Variants in CTTNBP2NL observed in about 807,000 individuals in gnomAD.
The protein encoded by CTTNBP2NL is CTTNBP2 N-terminal-like protein.
CTTNBP2NL carries 16 observed loss-of-function variants against 32.5 expected under a neutral mutation model. The observed-to-expected ratio is 0.49, with a 90% CI of 0.33 to 0.75. The LOEUF is 0.75. Among genes scored for constraint, CTTNBP2NL ranks in the 30% least tolerant of loss-of-function variants. The pLI, the probability that CTTNBP2NL is intolerant of heterozygous loss-of-function variation, is 0.02. For synonymous variants in CTTNBP2NL, 298 were observed against 289.4 expected, an observed-to-expected ratio of 1.03 and a Z score of -0.30; for missense variants, 645 against 756.0, an observed-to-expected ratio of 0.85 and a Z score of 1.72.
At chr1:112,393,378 A>G (rs1028222845), upstream of CTTNBP2NL, among the ~76,000 whole-genome samples, 2 of 152,206 alleles carry the variant, frequency 1.3e-5, no homozygotes, top group Non-Finnish European at 2.9e-5. Flanking sequence ...AATTGACACA[A>G]TCTATAATTT....
At chr1:112,425,722 G>T (rs557426294) in intron 3 of CTTNBP2NL, among the ~76,000 whole-genome samples, 3 of 151,898 alleles carry the variant, frequency 2.0e-5, no homozygotes, top group African/African-American at 7.2e-5. Context: ...AATTAGCTGG[G>T]TATGGTAGCG....
intron 4 of CTTNBP2NL, among the ~76,000 whole-genome samples, chr1:112,452,984 G>T (rs530920739): frequency 1.4e-5 from 2 of 146,686 alleles, no homozygotes; most frequent in African/African-American, 5.0e-5. Context: ...CCATAGTGGT[G>T]TATGCCTGTA....
intron 3 of CTTNBP2NL, among the ~76,000 whole-genome samples, chr1:112,424,804 GTTA>G (rs1355019079): frequency 2.0e-5 from 3 of 151,564 alleles, no homozygotes; most frequent in African/African-American, 4.9e-5. Context: ...GGGTTTTGTT[GTTA>G]TTGTTGTTTT....
Position 112,403,511 on chromosome 1 carries a change from A to G in CTTNBP2NL, c.-134+7239A>G, listed in dbSNP as rs187892335. 1.4e-3 allele frequency among the ~76,000 whole-genome samples: 218 copies of G among 152,346 alleles called. 2 individuals carry two copies. The highest frequency in any genetic ancestry group is 5.1e-3 in the African/African-American group (214 of 41,584). ...AGACAGAAGACAGATATGTAAACAG[A>G]TGAATTGATGTAATAGAATGTGATA... On this transcript the variant is annotated intron_variant, in intron 1 of 5. Transcript: ENST00000271277.
intron 3 of CTTNBP2NL, among the ~76,000 whole-genome samples, chr1:112,445,031 C>T (rs542091563): frequency 6.6e-6 from 1 of 152,330 alleles, no homozygotes; most frequent in South Asian, 2.1e-4. Context: ...GTCTCTGTCT[C>T]TTTTATGGGG....
chr1:112,391,102 G>A, the CTTNBP2NL span, among the ~76,000 whole-genome samples: 1 of 152,244 alleles, frequency 6.6e-6, no homozygotes, highest in Non-Finnish European at 1.5e-5. Flanking sequence ...CAAGCAAGAA[G>A]AGAACGTTTA....
At chr1:112,434,474 T>A (rs1450251393) in intron 3 of CTTNBP2NL, among the ~76,000 whole-genome samples, 1 of 152,160 alleles carries the variant, frequency 6.6e-6, no homozygotes, top group Non-Finnish European at 1.5e-5. Flanking sequence ...ATGTGGTTTT[T>A]CTCTCCCTCT....
At position 112,456,537 on chromosome 1, in the gene CTTNBP2NL, A is replaced by C; in HGVS notation, c.1045A>C (p.Asn349His). ...TCCTGCTTACTCATATGCAAAAACC[A>C]ATGGCCATTGTGACCCAGAGATACA... ...ATPAYSYAKTNGHCDPEIQTT... is the reference protein window; with the variant it reads ...ATPAYSYAKTHGHCDPEIQTT... Residue 349 changes from asparagine (N) to histidine (H), a missense_variant, in exon 6 of 6, where the codon AAT becomes CAT. Asn to His is a moderately conservative substitution (Grantham distance 68). Coordinates refer to ENST00000271277, the MANE Select transcript of CTTNBP2NL (RefSeq NM_018704.3). The C allele has an allele frequency of 6.2e-7, 1 of 1,614,162 alleles. No homozygotes were observed. Among genetic ancestry groups the C allele is most frequent in the African/African-American group, 1.3e-5 (1 of 75,044 alleles).
At chr1:112,421,287 A>G (rs1649219683) in intron 3 of CTTNBP2NL, among the ~76,000 whole-genome samples, 2 of 147,996 alleles carry the variant, frequency 1.4e-5, no homozygotes, top group South Asian at 2.2e-4. Context: ...CCTTTGCAAC[A>G]TAATGAGACC....
chr1:112,438,272 T>C (rs1051637241), intron 3 of CTTNBP2NL, among the ~76,000 whole-genome samples: 2 of 152,188 alleles, frequency 1.3e-5, no homozygotes, highest in Non-Finnish European at 2.9e-5. Flanking sequence ...CCCTGGTTAG[T>C]TGTATTCCTA....
At position 112,458,991 on chromosome 1, in the gene CTTNBP2NL, G is replaced by T. The variant is rs1335207811; in HGVS notation, c.*1579G>T. 6.6e-6 allele frequency: 1 copy of T among 152,202 alleles called. No individual in the cohort carries two copies. 9.4% of individuals were successfully genotyped at this position (152,202 alleles called of 1,614,324 possible). ...GGCATCTGTTCAGCTCCATCTGCTTGCTGCGGTGCAAGAATGCTAAACCAG... is the reference window on the plus strand; with the variant it reads ...GGCATCTGTTCAGCTCCATCTGCTTTCTGCGGTGCAAGAATGCTAAACCAG... On this transcript the variant is annotated 3_prime_UTR_variant, in exon 6 of 6. Coordinates refer to ENST00000271277, the MANE Select transcript of CTTNBP2NL (RefSeq NM_018704.3).
At chr1:112,445,146 G>T (rs1650000835) in intron 3 of CTTNBP2NL, among the ~76,000 whole-genome samples, 1 of 152,184 alleles carries the variant, frequency 6.6e-6, no homozygotes, top group Non-Finnish European at 1.5e-5. Context: ...ATCAGTCCCA[G>T]TCATGGCTTC....
At chr1:112,392,421 A>G (rs867396587), upstream of CTTNBP2NL, among the ~76,000 whole-genome samples, 16 of 152,242 alleles carry the variant, frequency 1.1e-4, no homozygotes, top group Admixed American at 3.3e-4. Flanking sequence ...AATGATCTTT[A>G]GGAATTATTC....
At chr1:112,455,271 C>G (rs1298770011) in intron 5 of CTTNBP2NL, among the ~76,000 whole-genome samples, 1 of 152,044 alleles carries the variant, frequency 6.6e-6, no homozygotes. Flanking sequence ...TTTTGGAGGC[C>G]GAGGTGGGTG....
At chr1:112,398,984 T>C (rs1314922527) in intron 1 of CTTNBP2NL, among the ~76,000 whole-genome samples, 1 of 152,084 alleles carries the variant, frequency 6.6e-6, no homozygotes, top group Admixed American at 6.6e-5. Context: ...GAAGTGAATT[T>C]AGGAGAGATC....
chr1:112,437,900 C>T (rs900331889), intron 3 of CTTNBP2NL, among the ~76,000 whole-genome samples: 12 of 152,030 alleles, frequency 7.9e-5, no homozygotes, highest in Non-Finnish European at 1.0e-4. Context: ...TCATTCTGTA[C>T]GTTGTCTGTT....
intron 1 of CTTNBP2NL, among the ~76,000 whole-genome samples, chr1:112,411,736 G>T (rs141137417): frequency 0.028 from 4,303 of 151,252 alleles, 208 homozygotes; most frequent in African/African-American, 0.099. Context: ...AGGCTGGAGT[G>T]CAGTGGCACA....
rs1271059046 is a variant in CTTNBP2NL, at chr1:112,416,207, A to G, written c.42A>G (p.Leu14=). ...EKLSKPELLT[L]FSILEGELEA... Reference sequence around the variant, plus strand: ...TCAGCAAGCCTGAACTCCTGACACTATTTAGTATTCTTGAAGGAGAGCTTG... The same window carrying G: ...TCAGCAAGCCTGAACTCCTGACACTGTTTAGTATTCTTGAAGGAGAGCTTG... The change falls in exon 3 of 6, where the codon CTA becomes CTG. Residue 14 remains leucine, a synonymous_variant. Coordinates refer to ENST00000271277, the MANE Select transcript of CTTNBP2NL (RefSeq NM_018704.3). 6.2e-7 allele frequency: 1 copy of G among 1,609,032 alleles called. No homozygotes were observed. Among genetic ancestry groups the G allele is most frequent in the Non-Finnish European group, 8.5e-7 (1 of 1,178,144 alleles).
At chr1:112,420,709 C>CT (rs1433778237) in intron 3 of CTTNBP2NL, among the ~76,000 whole-genome samples, 1 of 151,292 alleles carries the variant, frequency 6.6e-6, no homozygotes, top group Non-Finnish European at 1.5e-5. Flanking sequence ...TCAAGCAGTT[C>CT]TGCTGTCCCA....
Sources: gnomAD v4.1 joint callset for allele counts (sites outside exome capture counted in the v4.1 genomes callset) on GRCh38, gnomAD v4.1.1 for gene constraint, MANE v1.5 for transcripts, NCBI Gene and HGNC (gene_info 2026-07-23, HGNC 2026-07-21) for gene names.